The following TMEM181 variants were observed in gnomAD, a reference collection of about 807,000 sequenced individuals.
TMEM181 encodes G protein-coupled receptor 178.
A neutral mutation model predicts 71.9 loss-of-function variants in TMEM181; 39 were observed. The ratio of observed to expected loss-of-function variants is 0.54; its 90% CI spans 0.42 to 0.71. The LOEUF is 0.71. Among genes scored for constraint, TMEM181 ranks in the 30% least tolerant of loss-of-function variants. The probability of loss-of-function intolerance (pLI) is 0.00; values close to 1 mark genes in which losing one functional copy is unlikely to be tolerated. For synonymous variants in TMEM181, 245 were observed against 228.8 expected (o/e 1.07, Z -0.64); for missense variants, 595 against 583.0 (o/e 1.02, Z -0.21).
chr6:158,571,343 A>T (rs183722003), intron 1 of TMEM181, among the ~76,000 whole-genome samples: 3 of 146,924 alleles, frequency 2.0e-5, no homozygotes, highest in Non-Finnish European at 3.0e-5. Flanking sequence ...TGATCCGCCC[A>T]CCTTGGCCTC....
chr6:158,546,044 C>T (rs142852402), intron 1 of TMEM181, among the ~76,000 whole-genome samples: 10 of 152,224 alleles, frequency 6.6e-5, no homozygotes, highest in African/African-American at 9.6e-5. Context: ...CTGGCATGAC[C>T]GGGGCAGTGT....
At chr6:158,612,483 A>G (rs1785389350) in intron 10 of TMEM181, among the ~76,000 whole-genome samples, 1 of 152,196 alleles carries the variant, frequency 6.6e-6, no homozygotes, top group African/African-American at 2.4e-5. Context: ...GAATCTTTGA[A>G]AAAGGTTAAT....
rs142832918 is a variant in TMEM181, at chr6:158,620,807, C to T, written c.897-2743C>T. 3.4e-3 allele frequency among the ~76,000 whole-genome samples: 517 copies of T among 152,350 alleles called. No individual in the cohort carries two copies. Among genetic ancestry groups the T allele is most frequent in the African/African-American group, 0.012 (484 of 41,582 alleles). ...GCAAGAGAGCCTCTGTCCCCAACAT[C>T]TGTCCCGGGTTTCAGCACCAAATGT... On this transcript the variant is annotated intron_variant, in intron 10 of 16. Transcript: ENST00000684151. The surrounding 1 kb of genome is among the most constrained non-coding windows in gnomAD (Gnocchi z 4.5).
At chr6:158,599,838 T>G (rs1395612504) in intron 6 of TMEM181, among the ~76,000 whole-genome samples, 1 of 152,248 alleles carries the variant, frequency 6.6e-6, no homozygotes, top group Non-Finnish European at 1.5e-5. Context: ...CACAAACGCA[T>G]GTCAGATTGA....
At chr6:158,585,649 C>T (rs1366203414) in intron 5 of TMEM181, among the ~76,000 whole-genome samples, 2 of 152,208 alleles carry the variant, frequency 1.3e-5, no homozygotes, top group East Asian at 1.9e-4. Flanking sequence ...TTCACACATC[C>T]GTAAACACAC....
chr6:158,593,452 A>G (rs1289522392), intron 6 of TMEM181, among the ~76,000 whole-genome samples: 1 of 152,222 alleles, frequency 6.6e-6, no homozygotes, highest in African/African-American at 2.4e-5. Context: ...TTATTTGAAA[A>G]CAAAACAAAA....
At chr6:158,585,153 A>G (rs1783693862) in intron 4 of TMEM181, 151 bp from the exon 5 acceptor site, 5 of 742,186 alleles carry the variant, frequency 6.7e-6, no homozygotes, top group Admixed American at 3.5e-5. Context: ...TTGCTGGGCA[A>G]TTAAGAGATT....
chr6:158,562,446 T>TTTTG (rs113795294), intron 1 of TMEM181, among the ~76,000 whole-genome samples: 1 of 141,102 alleles, frequency 7.1e-6, no homozygotes, highest in South Asian at 2.4e-4. Flanking sequence ...AAGGCTGTTT[T>TTTTG]TGTGTGTGTG....
intron 6 of TMEM181, among the ~76,000 whole-genome samples, chr6:158,593,762 A>G (rs550940895): frequency 1.4e-3 from 209 of 152,294 alleles, no homozygotes; most frequent in African/African-American, 4.8e-3. Flanking sequence ...TATTTTTTAG[A>G]GCAATTTTAG....
At chr6:158,603,538 C>T (rs1019080111) in intron 6 of TMEM181, among the ~76,000 whole-genome samples, 1 of 151,710 alleles carries the variant, frequency 6.6e-6, no homozygotes, top group Non-Finnish European at 1.5e-5. Context: ...CTGTATTAGG[C>T]CACTTGAAGT....
chr6:158,619,647 G>A lies in TMEM181; in HGVS notation c.897-3903G>A, dbSNP rs193001948. On this transcript the variant is annotated intron_variant, in intron 10 of 16. Coordinates refer to ENST00000684151, the MANE Select transcript of TMEM181 (RefSeq NM_001376852.1). ...GCACTTTGGGAGGCCAGTGCAGGCC[G>A]ATCATGAGGTTAGGAGATTGAGACC... Among the ~76,000 whole-genome samples the A allele has an allele frequency of 7.2e-5, 11 of 152,196 alleles. No homozygotes were observed. The East Asian group carries it at 7.7e-4, about 11-fold the overall frequency.
intron 1 of TMEM181, among the ~76,000 whole-genome samples, chr6:158,570,373 C>T (rs1301775440): frequency 6.6e-6 from 1 of 151,570 alleles, no homozygotes; most frequent in African/African-American, 2.4e-5. Flanking sequence ...GCTGGGACTA[C>T]AGGTGCCCGC....
At chr6:158,606,918 G>A (rs1426174172) in intron 7 of TMEM181, among the ~76,000 whole-genome samples, 1 of 152,234 alleles carries the variant, frequency 6.6e-6, no homozygotes, top group African/African-American at 2.4e-5. Context: ...AGTGGGCCTT[G>A]TTTTCCTCGC....
chr6:158,604,344 G>C (rs1227006707), intron 6 of TMEM181, among the ~76,000 whole-genome samples: 1 of 152,200 alleles, frequency 6.6e-6, no homozygotes, highest in Non-Finnish European at 1.5e-5. Context: ...GCGTGTGTGT[G>C]TGTGTGTGCG....
At chr6:158,564,732 T>C (rs763792004) in intron 1 of TMEM181, among the ~76,000 whole-genome samples, 2 of 152,188 alleles carry the variant, frequency 1.3e-5, no homozygotes, top group Non-Finnish European at 2.9e-5. Context: ...TCTGGGGAAC[T>C]GTTTACTTGC....
chr6:158,570,938 G>C (rs1301848896), intron 1 of TMEM181, among the ~76,000 whole-genome samples: 1 of 150,970 alleles, frequency 6.6e-6, no homozygotes, highest in Non-Finnish European at 1.5e-5. Context: ...TTTTGAGATG[G>C]AGTCTCGCTC....
intron 1 of TMEM181, among the ~76,000 whole-genome samples, chr6:158,562,446 T>TTGTGTGTGTG (rs58150738): frequency 0.043 from 6,041 of 141,142 alleles, 156 homozygotes; most frequent in South Asian, 0.049. Context: ...AAGGCTGTTT[T>TTGTGTGTGTG]TGTGTGTGTG....
chr6:158,626,772 GCTCA>G (rs1786299559), intron 13 of TMEM181: 4 of 422,682 alleles, frequency 9.5e-6, no homozygotes, highest in African/African-American at 2.1e-5. Context: ...TCACATAGAG[GCTCA>G]CTCACACCTC....
intron 10 of TMEM181, chr6:158,610,843 C>G (rs946424014): frequency 1.2e-5 from 4 of 339,382 alleles, no homozygotes; most frequent in Non-Finnish European, 2.3e-5. Context: ...GACATACTCA[C>G]ACCAAGGACT....
Sources: allele counts gnomAD v4.1 joint callset (sites outside exome capture counted in the v4.1 genomes callset), GRCh38; gene constraint gnomAD v4.1.1; non-coding constraint Gnocchi (gnomAD v3.1); transcripts MANE v1.5; gene names NCBI Gene and HGNC (gene_info 2026-07-23, HGNC 2026-07-21).